Variants in TTN observed in about 807,000 individuals in gnomAD.
TTN encodes titin, also known as connectin.
In TTN, 1,525 loss-of-function variants were observed where a neutral mutation model predicts 3,223.0. The observed-to-expected ratio is 0.47, with a 90% confidence interval of 0.45 to 0.49. The LOEUF (loss-of-function observed/expected upper bound fraction) is 0.49. Among genes scored for constraint, TTN ranks in the 20% least tolerant of loss-of-function variants. The probability of loss-of-function intolerance (pLI) is 0.00; values close to 1 mark genes in which losing one functional copy is unlikely to be tolerated. For missense variants in TTN, 40,786 were observed against 43,424.0 expected (o/e 0.94, Z 5.40); for synonymous variants, 14,094 against 15,161.0 (o/e 0.93, Z 5.17).
intron 47 of TTN, chr2:178,746,823 TC>T: frequency 6.2e-7 from 1 of 1,613,442 alleles, no homozygotes. Context: ...TCATATACCT[TC>T]CTTTTGGTCA....
intron 273 of TTN, 94 bp downstream of exon 273, chr2:178,609,114 T>C: frequency 7.3e-7 from 1 of 1,366,716 alleles, no homozygotes; most frequent in Admixed American, 3.2e-5. Flanking sequence ...TTGCTGAAGC[T>C]ATGTCCCATT....
intron 242 of TTN, among the ~76,000 whole-genome samples, chr2:178,623,301 C>G (rs1417713151): frequency 2.0e-5 from 3 of 151,328 alleles, no homozygotes; most frequent in Non-Finnish European, 2.9e-5. Flanking sequence ...TTGAAGACGT[C>G]ACATATAAGT....
At position 178,541,465 on chromosome 2, in the gene TTN, G is replaced by A. The variant is rs761050391; in HGVS notation, c.97612C>T (p.Arg32538Cys). 5.5e-5 allele frequency: 88 copies of A among 1,613,244 alleles called. No individual in the cohort carries two copies. In the South Asian group the frequency reaches 7.5e-4, roughly 14 times the overall value. The stretch of plus-strand genomic sequence containing the variant: ...CATCGATCTGCTCTCACTTCTTTGC[G>A]CTCCACAATATATCCAGTCACTTGG... ...GSQVTGYIVERKEVRADRWVR... is the reference protein window; with the variant it reads ...GSQVTGYIVECKEVRADRWVR... The change falls in exon 350 of 363, where the codon CGC (arginine) becomes TGC (cysteine). Residue 32538 changes from arginine (R) to cysteine (C), a missense_variant. Arg to Cys is a radical substitution (Grantham distance 180). Transcript: ENST00000589042.
At position 178,647,403 on chromosome 2, in the gene TTN, C is replaced by T; in HGVS notation, c.40119G>A (p.Glu13373=). 1 of 1,549,710 alleles carries T rather than the reference C, an allele frequency of 6.5e-7. No individual in the cohort carries two copies. The highest frequency in any genetic ancestry group is 8.7e-7 in the Non-Finnish European group (1 of 1,146,450). Residue 13373 remains glutamate, a synonymous_variant, in exon 214 of 363, where the codon GAG becomes GAA. Transcript: ENST00000589042. ...TACCTTCAGCAGGTGGAACTTCTGG[C>T]TCTGCAGGGATAGGCACAGACACTT... is the stretch of plus-strand genomic sequence containing the variant. ...EKEVSVPIPA[E]PEVPPAEVEE... is the part of the protein sequence containing the mutation.
At chr2:178,538,438 C>G (rs1214414528) in intron 354 of TTN, 102 bp downstream of exon 354, 36 of 1,146,966 alleles carry the variant, frequency 3.1e-5, no homozygotes, top group Non-Finnish European at 4.2e-5. Context: ...TTAACACTTG[C>G]TCTCCAATAA....
chr2:178,669,796 A>G (rs1335699146), intron 157 of TTN, 121 bp from the exon 158 acceptor site: 12 of 921,566 alleles, frequency 1.3e-5, no homozygotes, highest in East Asian at 2.4e-5. Context: ...TAAGTCAACT[A>G]TAAGTCAAAT....
At chr2:178,801,546 CAT>C (rs761723921) in intron 3 of TTN, among the ~76,000 whole-genome samples, 20 of 152,122 alleles carry the variant, frequency 1.3e-4, no homozygotes, top group Non-Finnish European at 2.4e-4. Flanking sequence ...TGTTATAAAA[CAT>C]GTAAAGGCAT....
chr2:178,709,915 GCTTTTC>G, intron 98 of TTN, 59 bp from the exon 99 acceptor site: 1 of 1,503,428 alleles, frequency 6.7e-7, no homozygotes, highest in Admixed American at 2.2e-5. Flanking sequence ...CTAATATGAA[GCTTTTC>G]AAGAAAAAAA....
At position 178,561,570 on chromosome 2, in the gene TTN, C is replaced by T; in HGVS notation, c.84562G>A (p.Gly28188Ser). Reference sequence around the variant, plus strand: ...CTTTCTTTATACTCAAGATGATAGCCAATTACTCGACTTCCTCCATCATTA... The same window carrying T: ...CTTTCTTTATACTCAAGATGATAGCTAATTACTCGACTTCCTCCATCATTA... ...PVNDGGSRVI[G>S]YHLEYKERSS... The change falls in exon 326 of 363, where the codon GGC becomes AGC. Residue 28188 changes from glycine (G) to serine (S), a missense_variant. Physicochemically the swap from Gly to Ser is moderately conservative, Grantham distance 56. Transcript: ENST00000589042. The T allele has an allele frequency of 6.2e-7, 1 of 1,613,188 alleles. No homozygotes were observed. The highest frequency in any genetic ancestry group is 8.5e-7 in the Non-Finnish European group (1 of 1,179,542).
In TTN at chr2:178,636,729, C is replaced by T. The variant is rs547824083; in HGVS notation, c.40998G>A (p.Glu13666=). The T allele has an allele frequency of 6.8e-6, 11 of 1,612,782 alleles. No individual in the cohort carries two copies. In the African/African-American group the frequency reaches 1.5e-4, roughly 22 times the overall value. ...TGAACGGGGCTTCATCAGGAGGTTT[C>T]TCTCCACCACTTCCTGGCCTTAACT... ...RRKLRPGSGG[E]KPPDEAPFTY... is the part of the protein sequence containing the mutation. The change falls in exon 225 of 363, where the codon GAG becomes GAA. Residue 13666 remains glutamate, a synonymous_variant. Coordinates refer to ENST00000589042, the MANE Select transcript of TTN (RefSeq NM_001267550.2). The surrounding 1 kb of genome is among the most constrained non-coding windows in gnomAD (Gnocchi z 4.3).
At chr2:178,645,695 G>A (rs928307049) in intron 217 of TTN, 6 of 345,136 alleles carry the variant, frequency 1.7e-5, no homozygotes, top group African/African-American at 1.1e-4. Context: ...TATCCCGGAT[G>A]ACGCTATCAA....
At chr2:178,604,685 A>C in intron 281 of TTN, 23 bp downstream of exon 281, 1 of 1,574,268 alleles carries the variant, frequency 6.4e-7, no homozygotes, top group Non-Finnish European at 8.6e-7. Flanking sequence ...AATGTGTATA[A>C]GAAAATATTC....
intron 5 of TTN, 23 bp from the exon 6 acceptor site, chr2:178,799,754 C>A (rs1283096717): frequency 7.4e-6 from 12 of 1,614,104 alleles, no homozygotes; most frequent in Non-Finnish European, 9.3e-6. Context: ...AAAACAAAGC[C>A]CACGTTGAGG....
chr2:178,783,740 T>A lies in TTN; in HGVS notation c.2821A>T (p.Thr941Ser). ...CTCACCGAGACCAAAGTTGGTGGAG[T>A]AACAGGAATTTCAACAGGTGCTGGT... is the stretch of plus-strand genomic sequence containing the variant. Reference protein sequence around the residue: ...RVPAPVEIPVTPPTLVSGLKN... With the variant: ...RVPAPVEIPVSPPTLVSGLKN... Residue 941 changes from threonine to serine, a missense_variant, in exon 17 of 363, where the codon ACT becomes TCT. Thr to Ser is a moderately conservative substitution (Grantham distance 58). Transcript: ENST00000589042. 2 of 1,612,596 alleles carry A rather than the reference T, an allele frequency of 1.2e-6. No homozygotes were observed. Among genetic ancestry groups the A allele is most frequent in the South Asian group, 2.2e-5 (2 of 90,988 alleles).
Position 178,579,542 on chromosome 2 carries a change from T to C in TTN, c.67636+19A>G, listed in dbSNP as rs748307487. On this transcript the variant is annotated intron_variant, in intron 319 of 362. Transcript: ENST00000589042. Reference sequence around the variant, plus strand: ...GATGACAATAAAGGAAAAATGAAGATGTGTGCATAGAGCCTTACCAACATC... The same window carrying C: ...GATGACAATAAAGGAAAAATGAAGACGTGTGCATAGAGCCTTACCAACATC... 2.5e-6 allele frequency: 4 copies of C among 1,610,590 alleles called. No individual in the cohort carries two copies. The highest frequency in any genetic ancestry group is 2.2e-5 in the East Asian group (1 of 44,768).
In TTN at chr2:178,587,694, T is replaced by A. The variant is rs771189924; in HGVS notation, c.63615A>T (p.Lys21205Asn). 1 of 1,612,930 alleles carries A rather than the reference T, an allele frequency of 6.2e-7. No individual in the cohort carries two copies. The highest frequency in any genetic ancestry group is 1.1e-5 in the South Asian group (1 of 91,028). ...FAIVRGRPAP[K>N]VTWRKVGIDN... ...CAATGCCAACTTTTCGCCAAGTGAC[T>A]TTAGGGGCTGGTCGTCCTCTCACTA... Residue 21205 changes from lysine (K) to asparagine (N), a missense_variant, in exon 306 of 363, where the codon AAA becomes AAT. Physicochemically the swap from Lys to Asn is moderately conservative, Grantham distance 94. Coordinates refer to ENST00000589042, the MANE Select transcript of TTN (RefSeq NM_001267550.2).
intron 13 of TTN, among the ~76,000 whole-genome samples, chr2:178,788,081 A>T (rs2093300520): frequency 6.6e-6 from 1 of 152,132 alleles, no homozygotes; most frequent in Non-Finnish European, 1.5e-5. Context: ...TTAAACAATT[A>T]GATGGAACAC....
At chr2:178,736,179 C>T in intron 49 of TTN, 105 bp from the exon 50 acceptor site, 3 of 1,019,670 alleles carry the variant, frequency 2.9e-6, no homozygotes, top group Admixed American at 2.9e-5. Context: ...TTTAGATAGA[C>T]ATGAGCCATA....
intron 88 of TTN, among the ~76,000 whole-genome samples, chr2:178,716,465 C>T (rs576236010): frequency 1.3e-5 from 2 of 152,048 alleles, no homozygotes; most frequent in Non-Finnish European, 1.5e-5. Flanking sequence ...CTACAAAAAC[C>T]CTTAAAAATA....
Sources: allele counts gnomAD v4.1 joint callset (sites outside exome capture counted in the v4.1 genomes callset), GRCh38; gene constraint gnomAD v4.1.1; non-coding constraint Gnocchi (gnomAD v3.1); transcripts MANE v1.5; gene names NCBI Gene and HGNC (gene_info 2026-07-23, HGNC 2026-07-21).